Variants in GRID1 observed in about 807,000 individuals in gnomAD.
GRID1 encodes glutamate receptor ionotropic, delta-1.
Under a neutral mutation model 98.0 loss-of-function variants are expected in GRID1, and 28 were observed. The observed-to-expected ratio is 0.29, with a 90% CI of 0.21 to 0.39. The LOEUF is 0.39. GRID1 is among the 10% of genes least tolerant of loss of function. The probability of loss-of-function intolerance (pLI) is 1.00; values close to 1 mark genes in which losing one functional copy is unlikely to be tolerated. For synonymous variants in GRID1, 553 were observed against 538.5 expected (o/e 1.03, Z -0.37); for missense variants, 1,111 against 1,340.5 (o/e 0.83, Z 2.67).
intron 3 of GRID1, among the ~76,000 whole-genome samples, chr10:86,161,038 G>C (rs1845314466): frequency 6.6e-6 from 1 of 152,198 alleles, no homozygotes. Flanking sequence ...TGTTTACCCA[G>C]CTGGCTCTCA....
intron 4 of GRID1, among the ~76,000 whole-genome samples, chr10:85,998,735 A>G (rs546019772): frequency 1.3e-5 from 2 of 152,354 alleles, no homozygotes; most frequent in South Asian, 4.1e-4. Context: ...CAAATTTGAT[A>G]AAGCTCTAGC....
intron 13 of GRID1, chr10:85,646,944 GA>G (rs766458051): frequency 3.8e-6 from 2 of 520,472 alleles, no homozygotes; most frequent in Non-Finnish European, 7.0e-6. Flanking sequence ...ATGAGCCCAT[GA>G]GGAGGGTGGG....
chr10:85,956,900 G>A (rs1412953380), intron 4 of GRID1, among the ~76,000 whole-genome samples: 1 of 152,196 alleles, frequency 6.6e-6, no homozygotes, highest in Non-Finnish European at 1.5e-5. Context: ...TTGCTATGAA[G>A]ACAGGGTAAT....
chr10:85,632,214 T>C (rs1188062652), intron 13 of GRID1, among the ~76,000 whole-genome samples: 1 of 152,224 alleles, frequency 6.6e-6, no homozygotes, highest in Non-Finnish European at 1.5e-5. Context: ...CCTCCAGGTC[T>C]GCCCTCCACC....
intron 15 of GRID1, among the ~76,000 whole-genome samples, chr10:85,612,067 G>A: frequency 6.6e-6 from 1 of 152,194 alleles, no homozygotes; most frequent in East Asian, 1.9e-4. Context: ...CAGATGTACT[G>A]AGTTAAGCAG....
At chr10:86,302,936 A>G (rs561084858) in intron 2 of GRID1, among the ~76,000 whole-genome samples, 1 of 152,380 alleles carries the variant, frequency 6.6e-6, no homozygotes, top group South Asian at 2.1e-4. Flanking sequence ...GTGCACACAC[A>G]GAAGTCTGAC....
chr10:86,232,597 T>C (rs758162817), intron 2 of GRID1, among the ~76,000 whole-genome samples: 1 of 152,114 alleles, frequency 6.6e-6, no homozygotes, highest in African/African-American at 2.4e-5. Context: ...GGGAGAGAGT[T>C]TAGTAAAGGG....
intron 4 of GRID1, among the ~76,000 whole-genome samples, chr10:86,050,733 A>T (rs2131905336): frequency 6.6e-6 from 1 of 152,344 alleles, no homozygotes; most frequent in South Asian, 2.1e-4. Flanking sequence ...GTTCTTGGGT[A>T]GAACTCAATA....
chr10:85,776,461 AC>A (rs1343713070), intron 8 of GRID1, among the ~76,000 whole-genome samples: 1 of 152,138 alleles, frequency 6.6e-6, no homozygotes. Flanking sequence ...ATAGAAACAC[AC>A]GCAAGACAGT....
At chr10:85,630,322 G>T (rs1842961400) in intron 13 of GRID1, among the ~76,000 whole-genome samples, 1 of 152,114 alleles carries the variant, frequency 6.6e-6, no homozygotes, top group Non-Finnish European at 1.5e-5. Flanking sequence ...GGAATAGCAT[G>T]CCCACCTCAC....
At chr10:86,033,129 T>C (rs1476491127) in intron 4 of GRID1, among the ~76,000 whole-genome samples, 1 of 152,022 alleles carries the variant, frequency 6.6e-6, no homozygotes, top group Non-Finnish European at 1.5e-5. Flanking sequence ...TGGCCTTTGC[T>C]CTTTCTTCAG....
intron 8 of GRID1, among the ~76,000 whole-genome samples, chr10:85,743,107 C>CCCCG (rs1554828615): frequency 9.1e-6 from 1 of 109,644 alleles, no homozygotes; most frequent in African/African-American, 3.6e-5. Context: ...ATTATGCAGC[C>CCCCG]CCCCCCCCCA....
intron 4 of GRID1, among the ~76,000 whole-genome samples, chr10:86,056,910 A>G (rs550741410): frequency 5.3e-5 from 8 of 152,356 alleles, no homozygotes; most frequent in African/African-American, 7.2e-5. Context: ...TTGAGATGCC[A>G]CGAAGCATCA....
intron 4 of GRID1, among the ~76,000 whole-genome samples, chr10:85,992,831 G>A (rs886430860): frequency 3.3e-5 from 5 of 152,038 alleles, no homozygotes; most frequent in Admixed American, 2.6e-4. Context: ...GCGTGCACCT[G>A]TAGTCTCAGC....
At position 85,923,350 on chromosome 10, in the gene GRID1, C is replaced by T. The variant is rs1841731876; in HGVS notation, c.727-7111G>A. Among the ~76,000 whole-genome samples the T allele has an allele frequency of 3.3e-5, 5 of 152,182 alleles. No homozygotes were observed. In the South Asian group the frequency reaches 1.0e-3, roughly 31 times the overall value. On this transcript the variant is annotated intron_variant, in intron 4 of 15. Transcript: ENST00000327946. ...GGAAAGCCATCTGAGAAAGCTGTAT[C>T]AGAATTTACCCTGTGAAGCACTAAA...
intron 2 of GRID1, among the ~76,000 whole-genome samples, chr10:86,227,307 G>T (rs1254644366): frequency 6.6e-6 from 1 of 152,176 alleles, no homozygotes; most frequent in Non-Finnish European, 1.5e-5. Context: ...CACTGAGGTG[G>T]CCCATGAGAC....
At chr10:86,342,261 CA>C (rs1028261888) in intron 2 of GRID1, among the ~76,000 whole-genome samples, 9 of 152,144 alleles carry the variant, frequency 5.9e-5, no homozygotes, top group Admixed American at 3.9e-4. Context: ...TGCACACAGC[CA>C]GTGTCAGAAA....
At chr10:86,060,972 A>G (rs1843640182) in intron 4 of GRID1, among the ~76,000 whole-genome samples, 1 of 152,154 alleles carries the variant, frequency 6.6e-6, no homozygotes, top group Non-Finnish European at 1.5e-5. Context: ...GAGAAGGCAG[A>G]GCAGCCTCCA....
intron 13 of GRID1, chr10:85,646,992 C>A (rs1432292098): frequency 3.4e-6 from 2 of 595,300 alleles, no homozygotes; most frequent in Admixed American, 2.9e-5. Context: ...TCCTCCCCAG[C>A]CAGCACCACT....
Sources: allele counts gnomAD v4.1 joint callset (sites outside exome capture counted in the v4.1 genomes callset), GRCh38; gene constraint gnomAD v4.1.1; transcripts MANE v1.5; gene names NCBI Gene and HGNC (gene_info 2026-07-23, HGNC 2026-07-21).